Variants in TENM3 observed in about 807,000 individuals in gnomAD.
TENM3 encodes the protein teneurin transmembrane protein 3, also known as teneurin-3.
In TENM3, 63 loss-of-function variants were observed where a neutral mutation model predicts 255.1. The ratio of observed to expected loss-of-function variants is 0.25; its 90% CI spans 0.20 to 0.30. The LOEUF is 0.30. Ranked by LOEUF, TENM3 falls within the 10% of genes least tolerant of loss-of-function variation. TENM3 has a pLI of 1.00. For synonymous variants in TENM3, 1,306 were observed against 1,322.3 expected (o/e 0.99, Z 0.27); for missense variants, 2,929 against 3,461.1 (o/e 0.85, Z 3.86).
At chr4:181,451,961 C>G in the TENM3 span, among the ~76,000 whole-genome samples, 789 of 152,116 alleles carry the variant, frequency 5.2e-3, 8 homozygotes, top group Middle Eastern at 0.027. Context: ...CTTGGAGGAG[C>G]ACCTTGGAGA....
At chr4:181,820,459 G>A in the TENM3 span, among the ~76,000 whole-genome samples, 1 of 150,280 alleles carries the variant, frequency 6.7e-6, no homozygotes, top group Non-Finnish European at 1.5e-5. Context: ...AGTGATAATG[G>A]GCACGTTTAA....
chr4:182,370,788 T>A lies in TENM3; in HGVS notation c.511+23859T>A, dbSNP rs142029267. On this transcript the variant is annotated intron_variant, in intron 3 of 27. Transcript: ENST00000511685. The stretch of plus-strand genomic sequence containing the variant: ...ATTATCTGCATGTTTCTAGAAGTGA[T>A]CTCTGCAAAACAATTCTGCTTTCTG... 2.6e-5 allele frequency among the ~76,000 whole-genome samples: 4 copies of A among 152,304 alleles called. No homozygotes were observed. In the East Asian group the frequency reaches 7.7e-4, roughly 29 times the overall value.
At chr4:181,879,135 A>G in the TENM3 span, among the ~76,000 whole-genome samples, 1 of 152,178 alleles carries the variant, frequency 6.6e-6, no homozygotes, top group Non-Finnish European at 1.5e-5. Context: ...TTACTATTTG[A>G]TGAGTCCATG....
chr4:182,285,425 T>C lies in TENM3; in HGVS notation c.-75-38521T>C, dbSNP rs187830456. Among the ~76,000 whole-genome samples, 163 of 152,290 alleles carry C rather than the reference T, an allele frequency of 1.1e-3. 1 individual carries two copies. Among genetic ancestry groups the C allele is most frequent in the African/African-American group, 3.8e-3 (159 of 41,548 alleles). Reference sequence around the variant, plus strand: ...ACAGTCCACGTGTGTTTATTTAGGGTCCACTATGTGTCTGCTGATACTGAC... The same window carrying C: ...ACAGTCCACGTGTGTTTATTTAGGGCCCACTATGTGTCTGCTGATACTGAC... On this transcript the variant is annotated intron_variant, in intron 1 of 27. Coordinates refer to ENST00000511685, the MANE Select transcript of TENM3 (RefSeq NM_001080477.4).
At chr4:182,353,097 G>C (rs1024173915) in intron 3 of TENM3, among the ~76,000 whole-genome samples, 2 of 152,214 alleles carry the variant, frequency 1.3e-5, no homozygotes, top group Non-Finnish European at 1.5e-5. Flanking sequence ...TAGATCTTTG[G>C]AGGAAGGGGT....
the TENM3 span, among the ~76,000 whole-genome samples, chr4:181,753,405 GGCA>G: frequency 6.6e-6 from 1 of 152,140 alleles, no homozygotes; most frequent in African/African-American, 2.4e-5. Flanking sequence ...AAAACAGGCA[GGCA>G]GCAGGCTGTA....
chr4:182,697,866 C>A (rs765385411), intron 12 of TENM3: 1 of 152,052 alleles, frequency 6.6e-6, no homozygotes, highest in Non-Finnish European at 1.5e-5. Context: ...AGGTGGAGGC[C>A]CTGTTTGGTT....
At chr4:182,630,152 G>C (rs746750213) in intron 5 of TENM3, among the ~76,000 whole-genome samples, 1 of 152,146 alleles carries the variant, frequency 6.6e-6, no homozygotes. Flanking sequence ...TTACCTTTCT[G>C]TCATCTTTTA....
At chr4:181,782,124 G>A in the TENM3 span, among the ~76,000 whole-genome samples, 5 of 152,100 alleles carry the variant, frequency 3.3e-5, no homozygotes, top group African/African-American at 9.7e-5. Context: ...TCAGGATGAT[G>A]CTGGCCTCAT....
chr4:182,769,324 A>G (rs944341073), intron 22 of TENM3, among the ~76,000 whole-genome samples: 2 of 152,126 alleles, frequency 1.3e-5, no homozygotes, highest in Admixed American at 6.5e-5. Context: ...TCCCTTAGTC[A>G]GAGTCCCCGG....
chr4:182,017,573 G>A, the TENM3 span, among the ~76,000 whole-genome samples: 1 of 152,054 alleles, frequency 6.6e-6, no homozygotes, highest in Admixed American at 6.6e-5. Flanking sequence ...TTAACATTAT[G>A]AAATACAGAC....
the TENM3 span, among the ~76,000 whole-genome samples, chr4:181,536,429 C>A: frequency 2.6e-5 from 4 of 152,226 alleles, no homozygotes. Flanking sequence ...AAGAGAGGAG[C>A]ATTCTAGAAT....
At chr4:182,700,641 C>T (rs566819667) in intron 12 of TENM3, among the ~76,000 whole-genome samples, 1 of 152,274 alleles carries the variant, frequency 6.6e-6, no homozygotes, top group South Asian at 2.1e-4. Flanking sequence ...ATTTAACAGG[C>T]ATGTACCTTG....
chr4:182,363,883 A>G (rs967912037), intron 3 of TENM3, among the ~76,000 whole-genome samples: 1 of 152,174 alleles, frequency 6.6e-6, no homozygotes, highest in South Asian at 2.1e-4. Context: ...AGCATACAGC[A>G]GATGAAGATT....
the TENM3 span, among the ~76,000 whole-genome samples, chr4:181,982,165 T>C: frequency 6.6e-6 from 1 of 152,032 alleles, no homozygotes; most frequent in South Asian, 2.1e-4. Context: ...AGAGAAGTAA[T>C]AGCAAAAGCA....
chr4:181,653,611 G>A, the TENM3 span, among the ~76,000 whole-genome samples: 1 of 151,788 alleles, frequency 6.6e-6, no homozygotes, highest in African/African-American at 2.4e-5. Context: ...GTGTTGGCCA[G>A]GATGCTCTTG....
rs868064325 is a variant in TENM3, at chr4:182,719,418, C to T, written c.2368+5185C>T. Among the ~76,000 whole-genome samples, 4 of 151,694 alleles carry T rather than the reference C, an allele frequency of 2.6e-5. No individual in the cohort carries two copies. In the Middle Eastern group the frequency reaches 0.01, roughly 390 times the overall value. On this transcript the variant is annotated intron_variant, in intron 13 of 27. Coordinates refer to ENST00000511685, the MANE Select transcript of TENM3 (RefSeq NM_001080477.4). Reference sequence around the variant, plus strand: ...CTGGGACTATAGGCGCCCACCACCACGCCCTGCTAATTTTTGTATTTTTAG... The same window carrying T: ...CTGGGACTATAGGCGCCCACCACCATGCCCTGCTAATTTTTGTATTTTTAG...
At chr4:181,554,865 A>G in the TENM3 span, among the ~76,000 whole-genome samples, 2 of 152,240 alleles carry the variant, frequency 1.3e-5, no homozygotes, top group African/African-American at 2.4e-5. Context: ...TTCCAGAAGA[A>G]GAACTCAGCT....
At chr4:182,058,408 G>A in the TENM3 span, among the ~76,000 whole-genome samples, 1 of 152,156 alleles carries the variant, frequency 6.6e-6, no homozygotes, top group South Asian at 2.1e-4. Flanking sequence ...GTTTTTAGGT[G>A]ATATGTTGAC....
Sources: allele counts gnomAD v4.1 joint callset (sites outside exome capture counted in the v4.1 genomes callset), GRCh38; gene constraint gnomAD v4.1.1; transcripts MANE v1.5; gene names NCBI Gene and HGNC (gene_info 2026-07-23, HGNC 2026-07-21).